The following TMEM132B variants were observed in gnomAD, a reference collection of about 807,000 sequenced individuals.
The protein encoded by TMEM132B is transmembrane protein 132B.
In TMEM132B, 18 loss-of-function variants were observed where a neutral mutation model predicts 90.8. That is an observed-to-expected ratio of 0.20 (90% CI 0.14 to 0.29). The LOEUF (loss-of-function observed/expected upper bound fraction) is 0.29, where lower values mean the gene tolerates loss of function less well. TMEM132B is among the 10% of genes least tolerant of loss of function. The pLI, the probability that TMEM132B is intolerant of heterozygous loss-of-function variation, is 1.00. For missense variants in TMEM132B, 1,096 were observed against 1,326.8 expected (o/e 0.83, Z 2.70); for synonymous variants, 504 against 523.3 (o/e 0.96, Z 0.50).
chr12:125,624,806 G>A (rs1886191630), intron 5 of TMEM132B, among the ~76,000 whole-genome samples: 1 of 152,128 alleles, frequency 6.6e-6, no homozygotes, highest in South Asian at 2.1e-4. Flanking sequence ...TTAGGTCAGT[G>A]CCTTTCTCCC....
chr12:125,327,769 G>T (rs1876631454), intron 1 of TMEM132B, among the ~76,000 whole-genome samples: 1 of 152,154 alleles, frequency 6.6e-6, no homozygotes, highest in South Asian at 2.1e-4. Flanking sequence ...GACAGCAGCT[G>T]CCTGGGGTCT....
intron 4 of TMEM132B, among the ~76,000 whole-genome samples, chr12:125,535,179 T>C (rs751859105): frequency 6.6e-6 from 1 of 152,254 alleles, no homozygotes; most frequent in Non-Finnish European, 1.5e-5. Context: ...GTTCATATTC[T>C]ATAACAGGCA....
intron 3 of TMEM132B, among the ~76,000 whole-genome samples, chr12:125,452,579 G>T (rs961485681): frequency 6.6e-6 from 1 of 152,184 alleles, no homozygotes; most frequent in Non-Finnish European, 1.5e-5. Context: ...GACAGTAGTA[G>T]TATATACTCT....
rs369239159 is a variant in TMEM132B, at chr12:125,654,755, T to C, written c.*45T>C. 8.3e-6 allele frequency: 13 copies of C among 1,572,946 alleles called. No homozygotes were observed. In the African/African-American group the frequency reaches 1.5e-4, roughly 18 times the overall value. Reference sequence around the variant, plus strand: ...ATTCACCTTTATGCCTTCTGTTTTTTGAATGCTGGAGCAGTGAGTTTGATC... The same window carrying C: ...ATTCACCTTTATGCCTTCTGTTTTTCGAATGCTGGAGCAGTGAGTTTGATC... On this transcript the variant is annotated 3_prime_UTR_variant, in exon 9 of 9. Transcript: ENST00000682704. This position sits in a 1 kb window ranked among gnomAD's most constrained non-coding sequence, Gnocchi z 5.8.
At position 125,408,137 on chromosome 12, in the gene TMEM132B, G is replaced by T. The variant is rs1179455025; in HGVS notation, c.960-7394G>T. On this transcript the variant is annotated intron_variant, in intron 2 of 8. Coordinates refer to ENST00000682704, the MANE Select transcript of TMEM132B (RefSeq NM_001366854.1). This position sits in a 1 kb window ranked among gnomAD's most constrained non-coding sequence, Gnocchi z 5.9. Reference sequence around the variant, plus strand: ...ACGGAATTGCACAGTGCGCGCTTTTGGTACCTGGCTTCTTCCACTCAGCTG... The same window carrying T: ...ACGGAATTGCACAGTGCGCGCTTTTTGTACCTGGCTTCTTCCACTCAGCTG... Among the ~76,000 whole-genome samples, 2 of 152,164 alleles carry T rather than the reference G, an allele frequency of 1.3e-5. No homozygotes were observed. Among genetic ancestry groups the T allele is most frequent in the Non-Finnish European group, 2.9e-5 (2 of 68,028 alleles).
In TMEM132B at chr12:125,445,180, A is replaced by G. The variant is rs1379652680; in HGVS notation, c.1106+29503A>G. ...CCAATGGAAAAAAAAAACTTTTCAG[A>G]TATTTATTAATCATTTGTATTTCCA... On this transcript the variant is annotated intron_variant, in intron 3 of 8. Coordinates refer to ENST00000682704, the MANE Select transcript of TMEM132B (RefSeq NM_001366854.1). The surrounding 1 kb of genome is among the most constrained non-coding windows in gnomAD (Gnocchi z 4.3). Among the ~76,000 whole-genome samples, 1 of 152,120 alleles carries G rather than the reference A, an allele frequency of 6.6e-6. No individual in the cohort carries two copies. Among genetic ancestry groups the G allele is most frequent in the Non-Finnish European group, 1.5e-5 (1 of 68,036 alleles).
At position 125,432,477 on chromosome 12, in the gene TMEM132B, GTA is replaced by G. The variant is rs1191277483; in HGVS notation, c.1106+16808_1106+16809del. Among the ~76,000 whole-genome samples the G allele has an allele frequency of 8.4e-4, 56 of 66,336 alleles. 7 individuals are homozygous for G. Among genetic ancestry groups the G allele is most frequent in the African/African-American group, 4.7e-3 (55 of 11,584 alleles). The allele number at this position is 66,336 out of a possible 152,430, so 43.5% of individuals were successfully genotyped here. Reference sequence around the variant, plus strand: ...TATGTATGTGTATATATATGTATGTGTATATATATGTATGTGTATATATATGT... The same window carrying G: ...TATGTATGTGTATATATATGTATGTGTATATATGTATGTGTATATATATGT... On this transcript the variant is annotated intron_variant, in intron 3 of 8. Transcript: ENST00000682704.
chr12:125,204,984 T>G (rs56320852), intron 1 of TMEM132B, among the ~76,000 whole-genome samples: 21 of 112,892 alleles, frequency 1.9e-4, no homozygotes, highest in African/African-American at 7.4e-4. Flanking sequence ...CCAGGCACTG[T>G]GCTTAGCTCT....
intron 3 of TMEM132B, among the ~76,000 whole-genome samples, chr12:125,456,038 CTG>C (rs1301327000): frequency 2.0e-5 from 3 of 152,172 alleles, no homozygotes; most frequent in Non-Finnish European, 4.4e-5. Context: ...ATGAGCGTGG[CTG>C]TGTTTAATAA....
rs187119473 is a variant in TMEM132B, at chr12:125,651,152, A to G, written c.1914+199A>G. On this transcript the variant is annotated intron_variant, in intron 7 of 8. Coordinates refer to ENST00000682704, the MANE Select transcript of TMEM132B (RefSeq NM_001366854.1). Reference sequence around the variant, plus strand: ...GAGCATTCACCAATTTTAATAACCTAAACTCAGATTAATTTTTGTATTTTA... The same window carrying G: ...GAGCATTCACCAATTTTAATAACCTGAACTCAGATTAATTTTTGTATTTTA... Among the ~76,000 whole-genome samples the G allele has an allele frequency of 3.9e-5, 6 of 152,318 alleles. No individual in the cohort carries two copies. The East Asian group carries it at 1.2e-3, about 29-fold the overall frequency.
chr12:125,576,349 G>A (rs376628490), intron 4 of TMEM132B, among the ~76,000 whole-genome samples: 1 of 151,802 alleles, frequency 6.6e-6, no homozygotes, highest in East Asian at 1.9e-4. Context: ...TCCTTTATTA[G>A]CTTTAATGGT....
At position 125,656,675 on chromosome 12, in the gene TMEM132B, A is replaced by G. The variant is rs1221533105; in HGVS notation, c.*1965A>G. Reference sequence around the variant, plus strand: ...CTTGCAGAGAGATGGCTGACACTTTATGGGAAGATTCCTCAGTCAGCCAAA... The same window carrying G: ...CTTGCAGAGAGATGGCTGACACTTTGTGGGAAGATTCCTCAGTCAGCCAAA... On this transcript the variant is annotated 3_prime_UTR_variant, in exon 9 of 9. Transcript: ENST00000682704. The G allele has an allele frequency of 6.6e-6, 1 of 152,250 alleles. No homozygotes were observed. The highest frequency in any genetic ancestry group is 1.9e-4 in the East Asian group (1 of 5,194). The allele number at this position is 152,250 out of a possible 1,614,324, so 9.4% of individuals were successfully genotyped here.
intron 1 of TMEM132B, among the ~76,000 whole-genome samples, chr12:125,231,208 C>CGTGTGTGT (rs140099684): frequency 2.7e-5 from 4 of 146,452 alleles, no homozygotes; most frequent in East Asian, 4.0e-4. Context: ...GGCTGTCTTC[C>CGTGTGTGT]GTGTGTGTGT....
chr12:125,417,803 G>C (rs1412815840), intron 3 of TMEM132B, among the ~76,000 whole-genome samples: 2 of 152,214 alleles, frequency 1.3e-5, no homozygotes, highest in African/African-American at 2.4e-5. Context: ...GCTGTCCCCA[G>C]ATAGGCCAGG....
chr12:125,604,218 T>C (rs909383832), intron 5 of TMEM132B, among the ~76,000 whole-genome samples: 10 of 152,202 alleles, frequency 6.6e-5, no homozygotes, highest in Admixed American at 3.3e-4. Context: ...AATGATAGAC[T>C]GGATAAAGAA....
chr12:125,241,887 C>G lies in TMEM132B; in HGVS notation c.67+55021C>G, dbSNP rs535210191. ...TGCACTTGGTGTATCTGTGGTCCAC[C>G]TGTTCAAGGGAGGTCTCCTTCCTGC... is the stretch of plus-strand genomic sequence containing the variant. On this transcript the variant is annotated intron_variant, in intron 1 of 8. Coordinates refer to ENST00000682704, the MANE Select transcript of TMEM132B (RefSeq NM_001366854.1). 9.9e-5 allele frequency among the ~76,000 whole-genome samples: 15 copies of G among 152,238 alleles called. No homozygotes were observed. The East Asian group carries it at 2.9e-3, about 29-fold the overall frequency.
chr12:125,653,763 A>G lies in TMEM132B; in HGVS notation c.2305A>G (p.Met769Val), dbSNP rs1201892293. 1.2e-6 allele frequency: 2 copies of G among 1,614,120 alleles called. No homozygotes were observed. Among genetic ancestry groups the G allele is most frequent in the African/African-American group, 2.7e-5 (2 of 74,936 alleles). Residue 769 changes from methionine to valine, a missense_variant, in exon 9 of 9, where the codon ATG (methionine) becomes GTG (valine). By Grantham distance (21) the Met-to-Val change is conservative. Coordinates refer to ENST00000682704, the MANE Select transcript of TMEM132B (RefSeq NM_001366854.1). ...GQGPLIKLEM[M>V]ISEPCQKTKR... The stretch of plus-strand genomic sequence containing the variant: ...AGGGCCTTTGATTAAGTTAGAAATG[A>G]TGATAAGTGAACCTTGTCAGAAGAC...
chr12:125,554,400 G>A (rs1487624941), intron 4 of TMEM132B, among the ~76,000 whole-genome samples: 1 of 142,114 alleles, frequency 7.0e-6, no homozygotes, highest in African/African-American at 2.6e-5. Flanking sequence ...ACTCTAGCCT[G>A]GGCGACAAAG....
intron 1 of TMEM132B, among the ~76,000 whole-genome samples, chr12:125,289,053 A>C (rs546045274): frequency 6.6e-6 from 1 of 152,252 alleles, no homozygotes; most frequent in East Asian, 1.9e-4. Flanking sequence ...CAGTTACCAC[A>C]CCTTACCTAT....
Sources: gnomAD v4.1 joint callset for allele counts (sites outside exome capture counted in the v4.1 genomes callset) on GRCh38, gnomAD v4.1.1 for gene constraint, Gnocchi (gnomAD v3.1) non-coding constraint, MANE v1.5 for transcripts, NCBI Gene and HGNC (gene_info 2026-07-23, HGNC 2026-07-21) for gene names.